MRPS5: variants seen among roughly 807,000 people sequenced by gnomAD.
MRPS5 encodes the protein small ribosomal subunit protein uS5m.
A neutral mutation model predicts 51.9 loss-of-function variants in MRPS5; 27 were observed. The observed-to-expected ratio is 0.52, with a 90% CI of 0.38 to 0.72. The LOEUF is 0.72. MRPS5 is among the 30% of genes least tolerant of loss of function. The pLI, the probability that MRPS5 is intolerant of heterozygous loss-of-function variation, is 0.00. For missense variants in MRPS5, 570 were observed against 545.7 expected (o/e 1.04, Z -0.44); for synonymous variants, 196 against 193.2 (o/e 1.01, Z -0.12).
chr2:95,121,802 G>C lies in MRPS5; in HGVS notation c.-11C>G, dbSNP rs1384993988. 3.9e-6 allele frequency: 6 copies of C among 1,539,210 alleles called. No homozygotes were observed. In the Admixed American group the frequency reaches 7.7e-5, roughly 20 times the overall value. On this transcript the variant is annotated 5_prime_UTR_variant, in exon 1 of 12. Transcript: ENST00000272418. ...CACCGCGGTCGCCATGCTGGAGTCC[G>C]AGCCGCGCCTCGGCCTCCGCCCAGG...
intron 3 of MRPS5, among the ~76,000 whole-genome samples, chr2:95,111,348 A>G (rs1558685299): frequency 6.6e-6 from 1 of 152,256 alleles, no homozygotes; most frequent in Non-Finnish European, 1.5e-5. Flanking sequence ...GGAAAACTTG[A>G]AAGTTCACTT....
At position 95,120,613 on chromosome 2, in the gene MRPS5, A is replaced by C. The variant is rs1573357095; in HGVS notation, c.58+1121T>G. 2.0e-5 allele frequency among the ~76,000 whole-genome samples: 3 copies of C among 152,334 alleles called. 1 individual carries two copies. In the South Asian group the frequency reaches 6.2e-4, roughly 32 times the overall value. On this transcript the variant is annotated intron_variant, in intron 1 of 11. Transcript: ENST00000272418. ...CTCAACAAGGAAGCCGTTACCAAAA[A>C]CAAAAAACAGGCTTCGGAGCCAGGT...
chr2:95,113,261 G>T (rs895358647), intron 3 of MRPS5, among the ~76,000 whole-genome samples: 10 of 151,884 alleles, frequency 6.6e-5, no homozygotes, highest in African/African-American at 2.4e-4. Flanking sequence ...TGGATCACAA[G>T]GTCAGAAGAT....
intron 1 of MRPS5, among the ~76,000 whole-genome samples, chr2:95,120,110 T>A (rs1208540471): frequency 3.3e-5 from 5 of 152,152 alleles, no homozygotes. Context: ...CAATCCTAAG[T>A]ATATACCCAA....
intron 2 of MRPS5, among the ~76,000 whole-genome samples, chr2:95,116,817 T>C (rs1300790322): frequency 6.6e-6 from 1 of 152,144 alleles, no homozygotes; most frequent in African/African-American, 2.4e-5. Context: ...GCCAACGTGG[T>C]GAAACCCCGT....
chr2:95,120,334 C>G (rs1158832275), intron 1 of MRPS5, among the ~76,000 whole-genome samples: 1 of 152,058 alleles, frequency 6.6e-6, no homozygotes, highest in Non-Finnish European at 1.5e-5. Flanking sequence ...TGAAAGAAGC[C>G]AATCACAAAA....
intron 10 of MRPS5, among the ~76,000 whole-genome samples, chr2:95,098,047 C>G (rs1394804948): frequency 1.3e-5 from 2 of 152,166 alleles, no homozygotes; most frequent in African/African-American, 2.4e-5. Flanking sequence ...AGGATATGAA[C>G]AGACACTTTT....
chr2:95,105,272 G>A (rs573027017), intron 6 of MRPS5, among the ~76,000 whole-genome samples: 17 of 152,030 alleles, frequency 1.1e-4, no homozygotes, highest in Non-Finnish European at 2.4e-4. Flanking sequence ...AGGAACAGCC[G>A]GGCACAGTGG....
At chr2:95,091,761 T>C (rs1473778876) in intron 10 of MRPS5, 1 of 152,194 alleles carries the variant, frequency 6.6e-6, no homozygotes, top group East Asian at 1.9e-4. Flanking sequence ...CCTCCATAAT[T>C]ATGCCAGAGC....
At chr2:95,106,379 A>ACACAC in intron 6 of MRPS5, 44 bp downstream of exon 6, 1 of 1,415,814 alleles carries the variant, frequency 7.1e-7, no homozygotes, top group African/African-American at 1.4e-5. Flanking sequence ...ACCCACCCCA[A>ACACAC]CCTCTCCAAA....
chr2:95,104,697 CCT>C lies in MRPS5; in HGVS notation c.704_705del (p.Glu235GlyfsTer28). On this transcript the variant is annotated frameshift_variant, in exon 7 of 12. Coordinates refer to ENST00000272418, the MANE Select transcript of MRPS5 (RefSeq NM_031902.5). LOFTEE classifies it high-confidence loss of function. ...VRNVFTMTAK[E>X]GRKKSIRVLV... is the part of the protein sequence containing the mutation. ...AAGACACGGATCGATTTCTTTCTTC[CCT>C]CTTTCGCAGTCATAGTGAAAACGTT... 3.1e-6 allele frequency: 5 copies of C among 1,614,118 alleles called. No homozygotes were observed. Among genetic ancestry groups the C allele is most frequent in the Non-Finnish European group, 4.2e-6 (5 of 1,180,010 alleles).
chr2:95,104,221 A>G (rs1675881678), intron 7 of MRPS5: 1 of 176,406 alleles, frequency 5.7e-6, no homozygotes, highest in Non-Finnish European at 1.2e-5. Context: ...GTCTTATATA[A>G]CGTTTTTGTG....
At chr2:95,100,952 T>C (rs1326364751) in intron 8 of MRPS5, 58 bp from the exon 9 acceptor site, 1 of 1,413,912 alleles carries the variant, frequency 7.1e-7, no homozygotes, top group Non-Finnish European at 9.7e-7. Flanking sequence ...TTTCAAGGAT[T>C]CCAAAAACAC....
intron 2 of MRPS5, among the ~76,000 whole-genome samples, chr2:95,115,883 C>CTTTTCTTGTATGCTCCTTAA (rs1287245982): frequency 1.3e-5 from 2 of 151,632 alleles, no homozygotes; most frequent in African/African-American, 4.8e-5. Flanking sequence ...TTAGCTTTAG[C>CTTTTCTTGTATGCTCCTTAA]TTTTCTTGTA....
intron 5 of MRPS5, among the ~76,000 whole-genome samples, chr2:95,107,667 T>C (rs1368647166): frequency 6.6e-6 from 1 of 152,182 alleles, no homozygotes; most frequent in Admixed American, 6.5e-5. Context: ...CAAGAACACA[T>C]CTCTTGGATG....
intron 6 of MRPS5, among the ~76,000 whole-genome samples, chr2:95,105,707 A>G (rs1675929779): frequency 6.6e-6 from 1 of 152,234 alleles, no homozygotes; most frequent in Non-Finnish European, 1.5e-5. Context: ...CCACATATAT[A>G]CAAATTCTTC....
intron 11 of MRPS5, 61 bp downstream of exon 11, chr2:95,090,325 C>G (rs1232314302): frequency 6.3e-7 from 1 of 1,589,016 alleles, no homozygotes; most frequent in African/African-American, 1.3e-5. Context: ...CATCGTAGCC[C>G]CAACACACAC....
intron 1 of MRPS5, among the ~76,000 whole-genome samples, chr2:95,118,641 A>G (rs899237550): frequency 6.6e-5 from 10 of 152,220 alleles, no homozygotes; most frequent in African/African-American, 2.4e-4. Flanking sequence ...CACCACGCTG[A>G]CTGTACTGTG....
chr2:95,089,871 A>G, intron 11 of MRPS5, among the ~76,000 whole-genome samples: 1 of 152,208 alleles, frequency 6.6e-6, no homozygotes, highest in East Asian at 1.9e-4. Flanking sequence ...AAACCCATGA[A>G]GTACTTTTTA....
Sources: allele counts gnomAD v4.1 joint callset (sites outside exome capture counted in the v4.1 genomes callset), GRCh38; gene constraint gnomAD v4.1.1; transcripts MANE v1.5; gene names NCBI Gene and HGNC (gene_info 2026-07-23, HGNC 2026-07-21).